The following ZBTB20 variants were observed in gnomAD, a reference collection of about 807,000 sequenced individuals.
ZBTB20 encodes zinc finger and BTB domain containing 20, also known as zinc finger and BTB domain-containing protein 20.
A neutral mutation model predicts 56.9 loss-of-function variants in ZBTB20; 9 were observed. The observed-to-expected ratio is 0.16, with a 90% confidence interval of 0.10 to 0.28. The LOEUF is 0.28. ZBTB20 is among the 10% of genes least tolerant of loss of function. The probability of loss-of-function intolerance (pLI) is 1.00; values close to 1 mark genes in which losing one functional copy is unlikely to be tolerated. For missense variants in ZBTB20, 655 were observed against 1,003.0 expected (o/e 0.65, Z 4.69); for synonymous variants, 417 against 420.7 (o/e 0.99, Z 0.11).
intron 1 of ZBTB20, among the ~76,000 whole-genome samples, chr3:115,095,856 T>C (rs1356966614): frequency 6.6e-6 from 1 of 152,240 alleles, no homozygotes; most frequent in African/African-American, 2.4e-5. Flanking sequence ...GATATGTATA[T>C]TGCCTTCAGG....
At chr3:114,445,228 C>G (rs1056995557) in intron 7 of ZBTB20, among the ~76,000 whole-genome samples, 3 of 152,154 alleles carry the variant, frequency 2.0e-5, no homozygotes, top group South Asian at 4.1e-4. Context: ...TAAATCCTTG[C>G]AATAGTAAAT....
intron 2 of ZBTB20, among the ~76,000 whole-genome samples, chr3:115,007,572 A>G (rs903140394): frequency 6.6e-6 from 1 of 151,818 alleles, no homozygotes; most frequent in Non-Finnish European, 1.5e-5. Context: ...GCATATAAAC[A>G]TGCATGATTA....
At chr3:114,698,794 A>G (rs1348431911) in intron 5 of ZBTB20, among the ~76,000 whole-genome samples, 1 of 152,082 alleles carries the variant, frequency 6.6e-6, no homozygotes, top group Non-Finnish European at 1.5e-5. Flanking sequence ...TATTAAACAG[A>G]TGCGTACTCT....
At chr3:115,024,465 G>A (rs2080337453) in intron 2 of ZBTB20, among the ~76,000 whole-genome samples, 1 of 150,926 alleles carries the variant, frequency 6.6e-6, no homozygotes, top group Non-Finnish European at 1.5e-5. Flanking sequence ...CCCCATACTT[G>A]CAACCCACCT....
intron 1 of ZBTB20, among the ~76,000 whole-genome samples, chr3:115,081,459 G>A (rs887780753): frequency 6.6e-6 from 1 of 152,046 alleles, no homozygotes; most frequent in African/African-American, 2.4e-5. Context: ...TTTTAAGAAG[G>A]ATTACAATCC....
intron 6 of ZBTB20, among the ~76,000 whole-genome samples, chr3:114,671,357 C>A (rs1486506830): frequency 6.6e-6 from 1 of 152,080 alleles, no homozygotes; most frequent in Non-Finnish European, 1.5e-5. Flanking sequence ...ACTCTGTAAT[C>A]ATAATTTTGT....
intron 7 of ZBTB20, among the ~76,000 whole-genome samples, chr3:114,465,927 A>G (rs2092531491): frequency 6.6e-6 from 1 of 152,142 alleles, no homozygotes; most frequent in Non-Finnish European, 1.5e-5. Context: ...CAGACATTTA[A>G]GGTCTCTGAG....
intron 7 of ZBTB20, among the ~76,000 whole-genome samples, chr3:114,480,491 T>A (rs1318962241): frequency 1.3e-5 from 2 of 152,224 alleles, no homozygotes; most frequent in East Asian, 3.8e-4. Context: ...TATTAAGCCC[T>A]AACGTAAATA....
intron 5 of ZBTB20, among the ~76,000 whole-genome samples, chr3:114,787,358 T>TACACACAC (rs1195060301): frequency 2.3e-5 from 2 of 85,924 alleles, no homozygotes; most frequent in African/African-American, 8.6e-5. Context: ...TATATATATA[T>TACACACAC]ATATATATAT....
intron 6 of ZBTB20, among the ~76,000 whole-genome samples, chr3:114,520,957 G>A (rs528376835): frequency 4.5e-4 from 69 of 152,064 alleles, no homozygotes; most frequent in Non-Finnish European, 7.1e-4. Flanking sequence ...ATAATCACCC[G>A]TGCATATAGA....
chr3:114,386,467 C>G (rs2085140586), intron 8 of ZBTB20, among the ~76,000 whole-genome samples: 1 of 152,070 alleles, frequency 6.6e-6, no homozygotes, highest in African/African-American at 2.4e-5. Context: ...GCACCAGGTA[C>G]TAGCAATAGT....
intron 2 of ZBTB20, among the ~76,000 whole-genome samples, chr3:114,980,307 A>T (rs1284666810): frequency 6.6e-6 from 1 of 152,026 alleles, no homozygotes; most frequent in Non-Finnish European, 1.5e-5. Flanking sequence ...ACAGGTAAAC[A>T]CAATGAACTT....
At chr3:114,644,737 A>C (rs1324183071) in intron 6 of ZBTB20, among the ~76,000 whole-genome samples, 2 of 152,120 alleles carry the variant, frequency 1.3e-5, no homozygotes, top group Admixed American at 1.3e-4. Flanking sequence ...CCTCAGCATC[A>C]CACAATATTC....
chr3:114,383,012 C>A (rs2084581404), intron 8 of ZBTB20, among the ~76,000 whole-genome samples: 1 of 152,152 alleles, frequency 6.6e-6, no homozygotes, highest in Non-Finnish European at 1.5e-5. Flanking sequence ...TGATTGTGGA[C>A]AGAATGAAAT....
intron 1 of ZBTB20, among the ~76,000 whole-genome samples, chr3:115,123,525 C>A (rs1042181905): frequency 3.9e-5 from 6 of 152,116 alleles, no homozygotes; most frequent in African/African-American, 1.4e-4. Flanking sequence ...AAACACTAAG[C>A]AGAATGCTTG....
chr3:115,146,777 G>A (rs562533692), intron 1 of ZBTB20, among the ~76,000 whole-genome samples: 1 of 152,178 alleles, frequency 6.6e-6, no homozygotes. Context: ...AGCAGCTCCT[G>A]AGCCCCGGCT....
intron 1 of ZBTB20, among the ~76,000 whole-genome samples, chr3:115,087,478 G>A (rs1420767199): frequency 6.6e-6 from 1 of 151,882 alleles, no homozygotes; most frequent in Non-Finnish European, 1.5e-5. Context: ...CTCTACACCT[G>A]AGATTATCAG....
chr3:114,327,730 C>A lies in ZBTB20; in HGVS notation c.*11275G>T, dbSNP rs2079107571. 6.6e-6 allele frequency: 1 copy of A among 152,138 alleles called. No individual in the cohort carries two copies. 9.4% of individuals were successfully genotyped at this position (152,138 alleles called of 1,614,324 possible). On this transcript the variant is annotated 3_prime_UTR_variant, in exon 12 of 12. Coordinates refer to ENST00000675478, the MANE Select transcript of ZBTB20 (RefSeq NM_001348800.3). The stretch of plus-strand genomic sequence containing the variant: ...ACATTTCTGATATTAAATGTTGATT[C>A]TTTTTGTCAAAGGGTAAAGCAAGAA...
chr3:114,530,641 T>C (rs530220088), intron 6 of ZBTB20, among the ~76,000 whole-genome samples: 1 of 152,298 alleles, frequency 6.6e-6, no homozygotes, highest in South Asian at 2.1e-4. Flanking sequence ...AAAGAAGTGC[T>C]TTTAGTTACA....
Sources: allele counts gnomAD v4.1 joint callset (sites outside exome capture counted in the v4.1 genomes callset), GRCh38; gene constraint gnomAD v4.1.1; transcripts MANE v1.5; gene names NCBI Gene and HGNC (gene_info 2026-07-23, HGNC 2026-07-21).